The following SRC variants were observed in gnomAD, a reference collection of about 807,000 sequenced individuals.
SRC encodes the protein SRC proto-oncogene, non-receptor tyrosine kinase.
SRC carries 13 observed loss-of-function variants against 62.9 expected under a neutral mutation model. The ratio of observed to expected loss-of-function variants is 0.21; its 90% CI spans 0.13 to 0.33. The LOEUF is 0.33. Among genes scored for constraint, SRC ranks in the 10% least tolerant of loss-of-function variants. The pLI is 1.00. For synonymous variants in SRC, 302 were observed against 317.5 expected, an observed-to-expected ratio of 0.95 and a Z score of 0.52; for missense variants, 457 against 737.3, an observed-to-expected ratio of 0.62 and a Z score of 4.40.
At position 37,403,913 on chromosome 20, in the gene SRC, C is replaced by T. The variant is rs2070783153; in HGVS notation, c.*534C>T. 4.1e-6 allele frequency: 1 copy of T among 244,184 alleles called. No individual in the cohort carries two copies. The highest frequency in any genetic ancestry group is 2.2e-5 in the African/African-American group (1 of 45,686). The allele number at this position is 244,184 out of a possible 1,614,324, so 15.1% of individuals were successfully genotyped here. A position where few individuals can be genotyped will look rare whatever the true frequency, so the allele number is the denominator to read the frequency against. ...GAGACAGACCCTCTGCCGCTGCTTCCAGGCTGGGCAGCACAAGGCCTTGCC... is the reference window on the plus strand; with the variant it reads ...GAGACAGACCCTCTGCCGCTGCTTCTAGGCTGGGCAGCACAAGGCCTTGCC... On this transcript the variant is annotated 3_prime_UTR_variant, in exon 14 of 14. Transcript: ENST00000373578. This position sits in a 1 kb window ranked among gnomAD's most constrained non-coding sequence, Gnocchi z 7.1.
intron 1 of SRC, among the ~76,000 whole-genome samples, chr20:37,359,243 A>G (rs1250552207): frequency 6.6e-6 from 1 of 152,230 alleles, no homozygotes; most frequent in African/African-American, 2.4e-5. Context: ...CCGTCGGTCT[A>G]TCCATCCCAC....
In SRC at chr20:37,384,448, G is replaced by T; in HGVS notation, c.250+45G>T. On this transcript the variant is annotated intron_variant, in intron 4 of 13. Transcript: ENST00000373578. The surrounding 1 kb of genome is among the most constrained non-coding windows in gnomAD (Gnocchi z 6.7). The stretch of plus-strand genomic sequence containing the variant: ...GGGGTCCTCGCCCACCTGGGGCCAC[G>T]GCGGGGAGGCGGCGGGGCTGTGTGC... The T allele has an allele frequency of 7.7e-7, 1 of 1,301,728 alleles. No homozygotes were observed. The highest frequency in any genetic ancestry group is 9.7e-7 in the Non-Finnish European group (1 of 1,032,270). 80.6% of individuals were successfully genotyped at this position (1,301,728 alleles called of 1,614,324 possible).
rs2070694284 is a variant in SRC, at chr20:37,398,590, C to G, written c.859+736C>G. Among the ~76,000 whole-genome samples, 1 of 152,236 alleles carries G rather than the reference C, an allele frequency of 6.6e-6. No homozygotes were observed. The highest frequency in any genetic ancestry group is 1.5e-5 in the Non-Finnish European group (1 of 68,042). ...TGATGGAGGAGAGCAGAGCGGCCTC[C>G]TGGGTGGAAGGCACTGCAGGGACAG... On this transcript the variant is annotated intron_variant, in intron 9 of 13. Coordinates refer to ENST00000373578, the MANE Select transcript of SRC (RefSeq NM_198291.3). The surrounding 1 kb of genome is among the most constrained non-coding windows in gnomAD (Gnocchi z 5.2).
At chr20:37,377,851 T>G (rs2070300495) in intron 2 of SRC, among the ~76,000 whole-genome samples, 1 of 152,230 alleles carries the variant, frequency 6.6e-6, no homozygotes, top group African/African-American at 2.4e-5. Context: ...TTTGGAATCC[T>G]TCCAGAGCTT....
intron 1 of SRC, among the ~76,000 whole-genome samples, chr20:37,363,787 C>T (rs530691467): frequency 5.9e-5 from 9 of 152,270 alleles, no homozygotes; most frequent in East Asian, 5.8e-4. Flanking sequence ...GTGGCCGTCC[C>T]GGTTAGGGAG....
chr20:37,361,183 C>T (rs560920030), intron 1 of SRC, among the ~76,000 whole-genome samples: 22 of 152,188 alleles, frequency 1.4e-4, no homozygotes, highest in African/African-American at 3.1e-4. Flanking sequence ...AGGGTAGTTA[C>T]GAGTTTAAGG....
chr20:37,389,403 C>T (rs965167130), intron 5 of SRC, among the ~76,000 whole-genome samples: 11 of 152,190 alleles, frequency 7.2e-5, no homozygotes, highest in Non-Finnish European at 1.3e-4. Flanking sequence ...CCCGGCATGG[C>T]GGCAGGGGGC....
intron 1 of SRC, among the ~76,000 whole-genome samples, chr20:37,352,030 G>A (rs990538821): frequency 3.3e-5 from 5 of 152,230 alleles, no homozygotes; most frequent in Non-Finnish European, 7.3e-5. Context: ...GGTGCTCACG[G>A]ATGCTTATGC....
intron 2 of SRC, among the ~76,000 whole-genome samples, chr20:37,374,379 A>T (rs949991838): frequency 3.3e-5 from 5 of 151,946 alleles, no homozygotes; most frequent in Non-Finnish European, 4.4e-5. Flanking sequence ...CCCCTGGCTG[A>T]TATTTTAATA....
At chr20:37,372,258 G>T (rs1370186181) in intron 2 of SRC, among the ~76,000 whole-genome samples, 1 of 152,078 alleles carries the variant, frequency 6.6e-6, no homozygotes, top group Admixed American at 6.5e-5. Context: ...AGAGTGCTAG[G>T]ATTACAGGCG....
chr20:37,371,077 C>T (rs1223142069), intron 2 of SRC, among the ~76,000 whole-genome samples: 1 of 151,786 alleles, frequency 6.6e-6, no homozygotes, highest in Non-Finnish European at 1.5e-5. Flanking sequence ...CAACCTCCGC[C>T]TCTTGGGTTC....
At chr20:37,370,990 C>CTT (rs200689108) in intron 2 of SRC, among the ~76,000 whole-genome samples, 1 of 84,194 alleles carries the variant, frequency 1.2e-5, no homozygotes, top group Non-Finnish European at 2.2e-5. Context: ...TCTTCTTCTT[C>CTT]TTTTTTTTTT....
In SRC at chr20:37,403,508, G is replaced by A; in HGVS notation, c.*129G>A. ...GTGGGGCTGAATTGCCAGGGGCGAG[G>A]CCCTTCCTCTTTGGTGGCATGGAAG... On this transcript the variant is annotated 3_prime_UTR_variant, in exon 14 of 14. Coordinates refer to ENST00000373578, the MANE Select transcript of SRC (RefSeq NM_198291.3). This position sits in a 1 kb window ranked among gnomAD's most constrained non-coding sequence, Gnocchi z 7.1. 1 of 1,112,480 alleles carries A rather than the reference G, an allele frequency of 9.0e-7. No homozygotes were observed. Among genetic ancestry groups the A allele is most frequent in the Non-Finnish European group, 1.3e-6 (1 of 799,516 alleles). The allele number at this position is 1,112,480 out of a possible 1,614,324, so 68.9% of individuals were successfully genotyped here.
At chr20:37,357,740 T>G (rs1013379435) in intron 1 of SRC, among the ~76,000 whole-genome samples, 1 of 151,836 alleles carries the variant, frequency 6.6e-6, no homozygotes, top group Non-Finnish European at 1.5e-5. Context: ...GAGAGCAGAG[T>G]TGGCTGGGTG....
At chr20:37,377,189 T>G (rs905906937) in intron 2 of SRC, among the ~76,000 whole-genome samples, 2 of 152,214 alleles carry the variant, frequency 1.3e-5, no homozygotes, top group African/African-American at 2.4e-5. Context: ...CCTGGAATGA[T>G]AATAACAACA....
chr20:37,344,703 T>G (rs1361956610), upstream of SRC: 1 of 152,254 alleles, frequency 6.6e-6, no homozygotes, highest in African/African-American at 2.4e-5. Context: ...TGCGGCCATT[T>G]CACCAGCCCA....
chr20:37,355,636 C>T (rs930121599), intron 1 of SRC, among the ~76,000 whole-genome samples: 1 of 152,188 alleles, frequency 6.6e-6, no homozygotes, highest in African/African-American at 2.4e-5. Flanking sequence ...AGTCATTTCC[C>T]TATGGCACGA....
intron 2 of SRC, among the ~76,000 whole-genome samples, chr20:37,370,481 A>G (rs529933437): frequency 2.8e-4 from 42 of 152,324 alleles, no homozygotes; most frequent in Admixed American, 2.3e-3. Context: ...AGGCTGAGGA[A>G]CAAGAATCGC....
At chr20:37,381,307 C>A (rs1312601702) in intron 2 of SRC, among the ~76,000 whole-genome samples, 2 of 152,172 alleles carry the variant, frequency 1.3e-5, no homozygotes, top group Non-Finnish European at 2.9e-5. Context: ...GTCTTTTCTT[C>A]TTGTCCCCTT....
Sources: allele counts gnomAD v4.1 joint callset (sites outside exome capture counted in the v4.1 genomes callset), GRCh38; gene constraint gnomAD v4.1.1; non-coding constraint Gnocchi (gnomAD v3.1); transcripts MANE v1.5; gene names NCBI Gene and HGNC (gene_info 2026-07-23, HGNC 2026-07-21).